ZNF354A: variants seen among roughly 807,000 people sequenced by gnomAD.
ZNF354A encodes the protein epididymis luminal protein 104.
In ZNF354A, 25 loss-of-function variants were observed where a neutral mutation model predicts 53.3. The observed-to-expected ratio is 0.47, with a 90% CI of 0.34 to 0.66. The LOEUF (loss-of-function observed/expected upper bound fraction) is 0.66. Ranked by LOEUF, ZNF354A falls within the 30% of genes least tolerant of loss-of-function variation. The probability of loss-of-function intolerance (pLI) is 0.01; values close to 1 mark genes in which losing one functional copy is unlikely to be tolerated. For missense variants in ZNF354A, 586 were observed against 716.8 expected (o/e 0.82, Z 2.08); for synonymous variants, 228 against 249.0 (o/e 0.92, Z 0.79).
chr5:178,727,015 C>T lies in ZNF354A; in HGVS notation c.144G>A (p.Arg48=). 1 of 1,612,770 alleles carries T rather than the reference C, an allele frequency of 6.2e-7. No homozygotes were observed. The highest frequency in any genetic ancestry group is 8.5e-7 in the Non-Finnish European group (1 of 1,179,524). Residue 48 remains arginine (R), a synonymous_variant, in exon 3 of 5, where the codon AGG becomes AGA. Coordinates refer to ENST00000335815, the MANE Select transcript of ZNF354A (RefSeq NM_005649.3). ...LYRDVMLENY[R]NLVSLGLPFT... ...TTTCCTTACCCAGTGAGACCAGGTT[C>T]CTATAGTTCTCCAGCATCACATCCC... is the stretch of plus-strand genomic sequence containing the variant.
intron 4 of ZNF354A, among the ~76,000 whole-genome samples, chr5:178,719,058 C>A (rs1331989210): frequency 6.6e-6 from 1 of 152,154 alleles, no homozygotes; most frequent in East Asian, 1.9e-4. Flanking sequence ...TTAAGTTATT[C>A]CTTTGACCTG....
chr5:178,712,812 A>G lies in ZNF354A; in HGVS notation c.1066T>C (p.Cys356Arg), dbSNP rs1438372839. The change falls in exon 5 of 5, where the codon TGT (cysteine) becomes CGT (arginine). Residue 356 changes from cysteine to arginine, a missense_variant. Physicochemically the swap from Cys to Arg is radical, Grantham distance 180. This residue lies in a region of ZNF354A where 573 missense variants were observed against 680.1 expected (regional missense o/e 0.84). Coordinates refer to ENST00000335815, the MANE Select transcript of ZNF354A (RefSeq NM_005649.3). ...RIHSRKKSYL[C>R]NECGNTFKSS... is the part of the protein sequence containing the mutation. ...TTAAAGGTGTTGCCACATTCATTAC[A>G]TAAGTAGGACTTCTTTCTAGAATGA... is the stretch of plus-strand genomic sequence containing the variant. 2.5e-6 allele frequency: 4 copies of G among 1,614,140 alleles called. No individual in the cohort carries two copies. Among genetic ancestry groups the G allele is most frequent in the South Asian group, 1.1e-5 (1 of 91,078 alleles).
rs750995595 is a variant in ZNF354A at position 178,727,041 on chromosome 5, G to A, written c.118C>T (p.Arg40Trp). ...KLAPSQRNLY[R>W]DVMLENYRNL... is the part of the protein sequence containing the mutation. ...CTATAGTTCTCCAGCATCACATCCC[G>A]GTACAAGTTTCTCTGAGAAGGGGCC... Residue 40 changes from arginine to tryptophan, a missense_variant, in exon 3 of 5, where the codon CGG (arginine) becomes TGG (tryptophan). Around this residue, in one of 2 missense-constraint regions of ZNF354A, gnomAD observed 573 missense variants for 680.1 expected, o/e 0.84. Transcript: ENST00000335815. 17 of 1,613,750 alleles carry A rather than the reference G, an allele frequency of 1.1e-5. No individual in the cohort carries two copies. The highest frequency in any genetic ancestry group is 3.3e-4 in the Middle Eastern group (2 of 6,082).
intron 2 of ZNF354A, among the ~76,000 whole-genome samples, chr5:178,728,781 T>TAAAAAAAAA (rs1561622864): frequency 5.1e-5 from 1 of 19,784 alleles, no homozygotes; most frequent in East Asian, 1.3e-3. Context: ...AAAGCGAGAT[T>TAAAAAAAAA]CAAAAAAAAA....
intron 4 of ZNF354A, among the ~76,000 whole-genome samples, chr5:178,722,307 A>T (rs1225837434): frequency 6.6e-6 from 1 of 152,144 alleles, no homozygotes; most frequent in Non-Finnish European, 1.5e-5. Context: ...ATTTTGAGGT[A>T]CTGTACTCCG....
intron 1 of ZNF354A, among the ~76,000 whole-genome samples, chr5:178,729,659 A>G (rs1394244178): frequency 6.9e-6 from 1 of 144,454 alleles, no homozygotes; most frequent in South Asian, 2.2e-4. Flanking sequence ...CCCGGGTTCA[A>G]GCCATTCTCC....
At chr5:178,730,030 A>AT (rs1253424773) in intron 1 of ZNF354A, among the ~76,000 whole-genome samples, 100 of 151,054 alleles carry the variant, frequency 6.6e-4, no homozygotes, top group African/African-American at 2.2e-3. Context: ...CGCCCGGCTA[A>AT]TTTTTTTTGT....
chr5:178,711,778 T>C lies in ZNF354A; in HGVS notation c.*282A>G, dbSNP rs1765621829. 1 of 291,222 alleles carries C rather than the reference T, an allele frequency of 3.4e-6. No individual in the cohort carries two copies. 18.0% of individuals were successfully genotyped at this position (291,222 alleles called of 1,614,324 possible). A position where few individuals can be genotyped will look rare whatever the true frequency, so the allele number is the denominator to read the frequency against. ...GATCACGTGACATCTAGCATATACG[T>C]CTGTAGGAAAAGGGAAAAAGCAAAC... is the stretch of plus-strand genomic sequence containing the variant. On this transcript the variant is annotated 3_prime_UTR_variant, in exon 5 of 5. Transcript: ENST00000335815.
intron 4 of ZNF354A, among the ~76,000 whole-genome samples, chr5:178,720,985 T>C (rs1247985759): frequency 6.6e-6 from 1 of 152,158 alleles, no homozygotes; most frequent in African/African-American, 2.4e-5. Context: ...ATGTAGGGGG[T>C]ACTTTCTCAT....
chr5:178,723,345 C>T (rs1461043265), intron 4 of ZNF354A, among the ~76,000 whole-genome samples: 1 of 152,166 alleles, frequency 6.6e-6, no homozygotes, highest in Admixed American at 6.5e-5. Flanking sequence ...CATGGGCTGG[C>T]GGCTGCAGAA....
At chr5:178,727,853 T>G (rs1581750780) in intron 2 of ZNF354A, among the ~76,000 whole-genome samples, 1 of 86,884 alleles carries the variant, frequency 1.2e-5, no homozygotes, top group Non-Finnish European at 3.0e-5. Context: ...CTTGTACACA[T>G]TTTTTTTTTT....
intron 4 of ZNF354A, among the ~76,000 whole-genome samples, chr5:178,716,160 C>T (rs570328045): frequency 2.1e-4 from 32 of 152,096 alleles, no homozygotes; most frequent in South Asian, 4.2e-4. Flanking sequence ...CTCCCCAAAG[C>T]GCTGGGATTA....
chr5:178,726,442 C>CAT, intron 3 of ZNF354A, among the ~76,000 whole-genome samples: 1 of 151,822 alleles, frequency 6.6e-6, no homozygotes, highest in Admixed American at 6.6e-5. Context: ...GGACTACAGG[C>CAT]GCCCGGCATC....
Position 178,712,399 on chromosome 5 carries a change from G to GA in ZNF354A, c.1478_1479insT (p.Tyr494LeufsTer2). On this transcript the variant is annotated frameshift_variant, in exon 5 of 5. Coordinates refer to ENST00000335815, the MANE Select transcript of ZNF354A (RefSeq NM_005649.3). LOFTEE classifies it high-confidence loss of function. Reference sequence around the variant, plus strand: ...TTTTCCCACACTCGTTACATTTATAGGGTCTTTCTCCAGTATGCATTCTCT... The same window carrying GA: ...TTTTCCCACACTCGTTACATTTATAGAGGTCTTTCTCCAGTATGCATTCTCT... The GA allele has an allele frequency of 6.2e-7, 1 of 1,613,794 alleles. No individual in the cohort carries two copies. The highest frequency in any genetic ancestry group is 2.2e-5 in the East Asian group (1 of 44,864).
chr5:178,713,978 T>G (rs537879280), intron 4 of ZNF354A, among the ~76,000 whole-genome samples: 1 of 139,666 alleles, frequency 7.2e-6, no homozygotes, highest in Admixed American at 7.2e-5. Flanking sequence ...ATCCTAATTT[T>G]TTTTTGTTTT....
At chr5:178,716,284 AAG>A (rs1765714927) in intron 4 of ZNF354A, among the ~76,000 whole-genome samples, 1 of 152,166 alleles carries the variant, frequency 6.6e-6, no homozygotes, top group Non-Finnish European at 1.5e-5. Flanking sequence ...GAAGTCTCTT[AAG>A]AGTCTTGAAG....
intron 4 of ZNF354A, among the ~76,000 whole-genome samples, chr5:178,722,287 C>T (rs1466329537): frequency 2.0e-5 from 3 of 152,174 alleles, no homozygotes; most frequent in Admixed American, 6.5e-5. Context: ...ACATTTCAAG[C>T]TCAGTCTACA....
chr5:178,715,960 G>T (rs542399728), intron 4 of ZNF354A, among the ~76,000 whole-genome samples: 1 of 150,522 alleles, frequency 6.6e-6, no homozygotes, highest in Non-Finnish European at 1.5e-5. Flanking sequence ...GCAGTGGCGC[G>T]ACCTCGGCTC....
At chr5:178,730,358 G>T (rs961189693) in intron 1 of ZNF354A, among the ~76,000 whole-genome samples, 198 bp downstream of exon 1, 1 of 151,952 alleles carries the variant, frequency 6.6e-6, no homozygotes, top group South Asian at 2.1e-4. Flanking sequence ...CGTCCACGGC[G>T]AGCCGGACGC....
Sources: gnomAD v4.1 joint callset for allele counts (sites outside exome capture counted in the v4.1 genomes callset) on GRCh38, gnomAD v4.1.1 for gene constraint, gnomAD v4.1.1 regional missense constraint, MANE v1.5 for transcripts, NCBI Gene and HGNC (gene_info 2026-07-23, HGNC 2026-07-21) for gene names.